PGBD5: variants seen among roughly 807,000 people sequenced by gnomAD.
PGBD5 encodes the protein piggyBac transposable element derived 5.
In PGBD5, 14 loss-of-function variants were observed where a neutral mutation model predicts 47.9. The ratio of observed to expected loss-of-function variants is 0.29; its 90% CI spans 0.19 to 0.46. The LOEUF is 0.46. Among genes scored for constraint, PGBD5 ranks in the 20% least tolerant of loss-of-function variants. The pLI is 1.00. For synonymous variants in PGBD5, 316 were observed against 306.3 expected, an observed-to-expected ratio of 1.03 and a Z score of -0.33; for missense variants, 635 against 716.0, an observed-to-expected ratio of 0.89 and a Z score of 1.29.
intron 1 of PGBD5, among the ~76,000 whole-genome samples, chr1:230,360,843 C>A (rs1343149137): frequency 6.6e-6 from 1 of 152,190 alleles, no homozygotes; most frequent in East Asian, 1.9e-4. Flanking sequence ...GCATGGGCAG[C>A]ACCCCCAGCC....
At chr1:230,399,312 T>TC (rs979261077) in intron 1 of PGBD5, among the ~76,000 whole-genome samples, 1 of 152,142 alleles carries the variant, frequency 6.6e-6, no homozygotes, top group Admixed American at 6.5e-5. Context: ...ATGAGAACAG[T>TC]CCCCCACTTT....
intron 5 of PGBD5, among the ~76,000 whole-genome samples, chr1:230,329,230 C>A (rs1256521123): frequency 6.6e-6 from 1 of 152,070 alleles, no homozygotes; most frequent in Non-Finnish European, 1.5e-5. Flanking sequence ...TCCAAAAGTG[C>A]TGGGATTATG....
intron 1 of PGBD5, among the ~76,000 whole-genome samples, chr1:230,409,753 G>A (rs1657375240): frequency 6.6e-6 from 1 of 151,952 alleles, no homozygotes; most frequent in Admixed American, 6.6e-5. Flanking sequence ...AAAAGCCACT[G>A]AATTGTACAC....
intron 1 of PGBD5, among the ~76,000 whole-genome samples, chr1:230,411,779 G>A (rs1657415105): frequency 6.6e-6 from 1 of 152,184 alleles, no homozygotes; most frequent in South Asian, 2.1e-4. Flanking sequence ...TTTATCCCAG[G>A]AACATAAGGG....
In PGBD5 at chr1:230,363,302, C is replaced by T. The variant is rs573304352; in HGVS notation, c.332-5981G>A. On this transcript the variant is annotated intron_variant, in intron 1 of 6. Transcript: ENST00000391860. ...ATCAGGAAGAAAAGGATGGCTTTGG[C>T]CAGGCATGGTGGCTCATGCCTGTAA... Among the ~76,000 whole-genome samples the T allele has an allele frequency of 2.0e-5, 3 of 152,288 alleles. No individual in the cohort carries two copies. The East Asian group carries it at 5.8e-4, about 29-fold the overall frequency.
chr1:230,403,501 A>C (rs1275324576), intron 1 of PGBD5, among the ~76,000 whole-genome samples: 2 of 152,086 alleles, frequency 1.3e-5, no homozygotes, highest in Admixed American at 1.3e-4. Context: ...CAAGCTGGAG[A>C]GACCAGCACC....
chr1:230,357,437 C>A lies in PGBD5; in HGVS notation c.332-116G>T. ...CCTGGCCGAGTGCCCCCGCTGCCTC[C>A]AGTGCTACCGCCTTCCCCTCCAACC... On this transcript the variant is annotated intron_variant, in intron 1 of 6. Transcript: ENST00000391860. The surrounding 1 kb of genome is among the most constrained non-coding windows in gnomAD (Gnocchi z 5.7). 3 of 1,127,170 alleles carry A rather than the reference C, an allele frequency of 2.7e-6. No homozygotes were observed. The highest frequency in any genetic ancestry group is 3.8e-6 in the Non-Finnish European group (3 of 796,896). 69.8% of individuals were successfully genotyped at this position (1,127,170 alleles called of 1,614,324 possible).
At chr1:230,345,146 G>C (rs985370548) in intron 3 of PGBD5, among the ~76,000 whole-genome samples, 1 of 152,114 alleles carries the variant, frequency 6.6e-6, no homozygotes, top group Non-Finnish European at 1.5e-5. Flanking sequence ...AAGAATCTTG[G>C]GGTTCCATTA....
At chr1:230,386,107 G>A (rs566962739) in intron 1 of PGBD5, among the ~76,000 whole-genome samples, 93 of 152,238 alleles carry the variant, frequency 6.1e-4, no homozygotes, top group African/African-American at 2.2e-3. Flanking sequence ...CTGGAGGATC[G>A]CTTGAGCTCA....
At chr1:230,396,751 C>G (rs1571858376) in intron 1 of PGBD5, among the ~76,000 whole-genome samples, 1 of 151,990 alleles carries the variant, frequency 6.6e-6, no homozygotes, top group African/African-American at 2.4e-5. Flanking sequence ...GACATGAGAT[C>G]CCGGCAGGCC....
intron 4 of PGBD5, among the ~76,000 whole-genome samples, 177 bp downstream of exon 4, chr1:230,336,931 C>A (rs572843132): frequency 2.6e-5 from 4 of 152,246 alleles, no homozygotes; most frequent in Non-Finnish European, 5.9e-5. Context: ...TAGTGCCCAG[C>A]GGGATCCAGC....
rs1419841701 is a variant in PGBD5 at position 230,323,937 on chromosome 1, C to T, written c.1380-317G>A. On this transcript the variant is annotated intron_variant, in intron 6 of 6. Coordinates refer to ENST00000391860, the MANE Select transcript of PGBD5 (RefSeq NM_001258311.2). The surrounding 1 kb of genome is among the most constrained non-coding windows in gnomAD (Gnocchi z 4.1). Reference sequence around the variant, plus strand: ...GACAGGCGCCTGCCAGCCTCTCCAGCTTCCCTGCTTGCTGAATGCTCCTTG... The same window carrying T: ...GACAGGCGCCTGCCAGCCTCTCCAGTTTCCCTGCTTGCTGAATGCTCCTTG... Among the ~76,000 whole-genome samples, 1 of 152,256 alleles carries T rather than the reference C, an allele frequency of 6.6e-6. No homozygotes were observed. Among genetic ancestry groups the T allele is most frequent in the African/African-American group, 2.4e-5 (1 of 41,472 alleles).
chr1:230,328,065 C>T (rs1396924977), intron 5 of PGBD5, among the ~76,000 whole-genome samples: 1 of 152,180 alleles, frequency 6.6e-6, no homozygotes, highest in East Asian at 1.9e-4. Context: ...ATGCCCCGCT[C>T]TGAGTCATTA....
chr1:230,338,537 C>T (rs189128458), intron 3 of PGBD5, among the ~76,000 whole-genome samples: 1,627 of 152,292 alleles, frequency 0.011, 34 homozygotes, highest in African/African-American at 0.036. Flanking sequence ...CGGTGGCTCA[C>T]GCCTGTAATC....
At position 230,323,704 on chromosome 1, in the gene PGBD5, C is replaced by T; in HGVS notation, c.1380-84G>A. The T allele has an allele frequency of 1.5e-6, 2 of 1,363,402 alleles. No individual in the cohort carries two copies. Among genetic ancestry groups the T allele is most frequent in the Non-Finnish European group, 2.0e-6 (2 of 986,036 alleles). The allele number at this position is 1,363,402 out of a possible 1,614,324, so 84.5% of individuals were successfully genotyped here. A position where few individuals can be genotyped will look rare whatever the true frequency, so the allele number is the denominator to read the frequency against. On this transcript the variant is annotated intron_variant, in intron 6 of 6. Transcript: ENST00000391860. The surrounding 1 kb of genome is among the most constrained non-coding windows in gnomAD (Gnocchi z 4.1). ...TCCCAAAGGCCCCCCCTCACCACAGCCCGTGAGACGCTGCAGGTTCGCCCC... is the reference window on the plus strand; with the variant it reads ...TCCCAAAGGCCCCCCCTCACCACAGTCCGTGAGACGCTGCAGGTTCGCCCC...
chr1:230,376,118 AG>A (rs1668010374), intron 1 of PGBD5, among the ~76,000 whole-genome samples: 1 of 152,116 alleles, frequency 6.6e-6, no homozygotes, highest in Admixed American at 6.5e-5. Context: ...GCAGAGTCAC[AG>A]GGTGTCCAAG....
At chr1:230,398,357 T>C (rs1368066357) in intron 1 of PGBD5, among the ~76,000 whole-genome samples, 2 of 152,006 alleles carry the variant, frequency 1.3e-5, no homozygotes, top group Non-Finnish European at 2.9e-5. Context: ...CAGGGCGGTC[T>C]CCATGTCTTC....
intron 1 of PGBD5, among the ~76,000 whole-genome samples, chr1:230,403,151 A>G (rs545676033): frequency 6.6e-6 from 1 of 152,344 alleles, no homozygotes; most frequent in African/African-American, 2.4e-5. Context: ...ATGCAAAAGC[A>G]CCTAAGAGTT....
chr1:230,414,629 C>T (rs1390960970), intron 1 of PGBD5, among the ~76,000 whole-genome samples: 1 of 152,146 alleles, frequency 6.6e-6, no homozygotes, highest in Non-Finnish European at 1.5e-5. Context: ...AATGCACATC[C>T]CCCTAAGATG....
Sources: allele counts gnomAD v4.1 joint callset (sites outside exome capture counted in the v4.1 genomes callset), GRCh38; gene constraint gnomAD v4.1.1; non-coding constraint Gnocchi (gnomAD v3.1); transcripts MANE v1.5; gene names NCBI Gene and HGNC (gene_info 2026-07-23, HGNC 2026-07-21).